RAB6A: variants seen among roughly 807,000 people sequenced by gnomAD.
The protein encoded by RAB6A is ras-related protein Rab-6A.
A neutral mutation model predicts 32.3 loss-of-function variants in RAB6A; 8 were observed. That is an observed-to-expected ratio of 0.25 (90% CI 0.15 to 0.45). The LOEUF is 0.45. RAB6A is among the 20% of genes least tolerant of loss of function. The probability of loss-of-function intolerance (pLI) is 1.00; values close to 1 mark genes in which losing one functional copy is unlikely to be tolerated. For synonymous variants in RAB6A, 73 were observed against 82.1 expected (o/e 0.89, Z 0.60); for missense variants, 104 against 249.4 (o/e 0.42, Z 3.93).
At chr11:73,723,348 C>T (rs188624379) in intron 2 of RAB6A, among the ~76,000 whole-genome samples, 7 of 151,870 alleles carry the variant, frequency 4.6e-5, no homozygotes, top group Admixed American at 2.6e-4. Context: ...TTTTGAGAGA[C>T]AGAGTCTTGC....
At chr11:73,718,984 G>C in intron 3 of RAB6A, 1 of 1,178,074 alleles carries the variant, frequency 8.5e-7, no homozygotes, top group Admixed American at 2.7e-5. Context: ...GGAGAGGGTG[G>C]GAAGGAAGTA....
At position 73,683,151 on chromosome 11, in the gene RAB6A, CT is replaced by C. The variant is rs1945386314; in HGVS notation, c.496-3432del. On this transcript the variant is annotated intron_variant, in intron 6 of 7. Coordinates refer to ENST00000336083, the MANE Select transcript of RAB6A (RefSeq NM_198896.2). ...AGTGACTACAGAAACAATCTAGTAC[CT>C]GACAATGTGACACTCTATCAAACGT... is the stretch of plus-strand genomic sequence containing the variant. 2.0e-5 allele frequency among the ~76,000 whole-genome samples: 3 copies of C among 152,018 alleles called. No homozygotes were observed. In the South Asian group the frequency reaches 6.2e-4, roughly 32 times the overall value.
At position 73,760,551 on chromosome 11, in the gene RAB6A, G is replaced by A; in HGVS notation, c.70+15C>T. On this transcript the variant is annotated intron_variant, in intron 1 of 7. Transcript: ENST00000336083. ...CTGCGGCCAGCTGCCAGGAGTAGGG[G>A]AGCCACGCACTCACCGCTTTGCTCC... is the stretch of plus-strand genomic sequence containing the variant. The A allele has an allele frequency of 6.3e-7, 1 of 1,598,934 alleles. No homozygotes were observed. The highest frequency in any genetic ancestry group is 8.5e-7 in the Non-Finnish European group (1 of 1,173,296).
intron 1 of RAB6A, among the ~76,000 whole-genome samples, chr11:73,743,259 T>C (rs1224483924): frequency 2.1e-5 from 3 of 145,688 alleles, no homozygotes; most frequent in Non-Finnish European, 4.5e-5. Flanking sequence ...GACCCAAGAT[T>C]GCGCCACCGC....
intron 2 of RAB6A, among the ~76,000 whole-genome samples, chr11:73,722,087 T>C (rs972735091): frequency 6.6e-6 from 1 of 150,634 alleles, no homozygotes; most frequent in African/African-American, 2.4e-5. Flanking sequence ...TCCCCAGCCA[T>C]GTGGAACTTG....
intron 6 of RAB6A, among the ~76,000 whole-genome samples, chr11:73,694,029 C>T (rs116248620): frequency 0.01 from 1,579 of 152,170 alleles, 24 homozygotes; most frequent in African/African-American, 0.036. Flanking sequence ...AATACCTATG[C>T]GGTATCAGAA....
At chr11:73,757,123 ATATATATTTTTTTTTTTTT>A (rs1946769392) in intron 1 of RAB6A, among the ~76,000 whole-genome samples, 1 of 48,054 alleles carries the variant, frequency 2.1e-5, no homozygotes, top group Non-Finnish European at 3.6e-5. Context: ...ATATATATAT[ATATATATTTTTTTTTTTTT>A]TTTTTTTTTT....
At chr11:73,703,180 CG>C (rs1261927715) in intron 6 of RAB6A, among the ~76,000 whole-genome samples, 3 of 151,690 alleles carry the variant, frequency 2.0e-5, no homozygotes, top group African/African-American at 7.3e-5. Context: ...TGCAAAGAAA[CG>C]GAAGATGAAC....
chr11:73,759,643 T>C (rs926005224), intron 1 of RAB6A, among the ~76,000 whole-genome samples: 3 of 152,088 alleles, frequency 2.0e-5, no homozygotes, highest in African/African-American at 7.2e-5. Flanking sequence ...CATTGGAAAA[T>C]ACTCAAGAAG....
At chr11:73,714,630 C>G (rs544699380) in intron 5 of RAB6A, among the ~76,000 whole-genome samples, 2 of 151,266 alleles carry the variant, frequency 1.3e-5, no homozygotes, top group Non-Finnish European at 2.9e-5. Context: ...CCATGGCACT[C>G]CAACCCAGGT....
At chr11:73,730,672 T>C (rs769858108) in intron 2 of RAB6A, 93 bp downstream of exon 2, 1 of 1,012,016 alleles carries the variant, frequency 9.9e-7, no homozygotes, top group Non-Finnish European at 1.5e-6. Flanking sequence ...TACTTTTACA[T>C]CCACAACTGC....
chr11:73,697,395 G>C (rs1277525397), intron 6 of RAB6A, among the ~76,000 whole-genome samples: 3 of 151,562 alleles, frequency 2.0e-5, no homozygotes, highest in Non-Finnish European at 4.4e-5. Context: ...CAGTGGCATG[G>C]TCTCGGCTCA....
chr11:73,758,850 A>G (rs952892292), intron 1 of RAB6A, among the ~76,000 whole-genome samples: 1 of 152,200 alleles, frequency 6.6e-6, no homozygotes, highest in African/African-American at 2.4e-5. Context: ...TGATATTGAC[A>G]CAGAAAAGCT....
At chr11:73,687,825 C>T (rs1945483544) in intron 6 of RAB6A, among the ~76,000 whole-genome samples, 1 of 151,594 alleles carries the variant, frequency 6.6e-6, no homozygotes, top group African/African-American at 2.4e-5. Flanking sequence ...CCACTGCACT[C>T]CAGCTTGGGC....
intron 6 of RAB6A, among the ~76,000 whole-genome samples, chr11:73,685,592 G>GTCTTTTTTTTTTTTTTTT (rs1555054185): frequency 1.4e-5 from 2 of 145,052 alleles, no homozygotes; most frequent in Admixed American, 1.4e-4. Flanking sequence ...CGGACTGAAA[G>GTCTTTTTTTTTTTTTTTT]TAGCGACCAG....
At chr11:73,695,480 A>C (rs1439800524) in intron 6 of RAB6A, among the ~76,000 whole-genome samples, 1 of 152,064 alleles carries the variant, frequency 6.6e-6, no homozygotes, top group Non-Finnish European at 1.5e-5. Context: ...CCCGGGTTCA[A>C]GTGATTCTCA....
At chr11:73,742,421 A>G (rs917788950) in intron 1 of RAB6A, among the ~76,000 whole-genome samples, 4 of 151,970 alleles carry the variant, frequency 2.6e-5, no homozygotes, top group Non-Finnish European at 5.9e-5. Context: ...TACAGGCGTG[A>G]TCCACCACAC....
rs1237613788 is a variant in RAB6A at position 73,675,715 on chromosome 11, C to T, written c.*2183G>A. The T allele has an allele frequency of 1.9e-5, 3 of 158,120 alleles. No homozygotes were observed. Among genetic ancestry groups the T allele is most frequent in the African/African-American group, 7.3e-5 (3 of 41,242 alleles). 9.8% of individuals were successfully genotyped at this position (158,120 alleles called of 1,614,324 possible). ...TTAAAAAAAAAACCTGGACTATGAA[C>T]ACACTTCAATGCTTTGAAGAACTCC... On this transcript the variant is annotated 3_prime_UTR_variant, in exon 8 of 8. Coordinates refer to ENST00000336083, the MANE Select transcript of RAB6A (RefSeq NM_198896.2).
chr11:73,731,932 T>C (rs4551800), intron 1 of RAB6A, among the ~76,000 whole-genome samples: 144,121 of 150,196 alleles, frequency 0.96, 69,433 homozygotes, highest in East Asian at 1. Flanking sequence ...TTAGTAGAGA[T>C]GGGGTTTCAT....
Sources: allele counts gnomAD v4.1 joint callset (sites outside exome capture counted in the v4.1 genomes callset), GRCh38; gene constraint gnomAD v4.1.1; transcripts MANE v1.5; gene names NCBI Gene and HGNC (gene_info 2026-07-23, HGNC 2026-07-21).